CBLB: variants seen among roughly 807,000 people sequenced by gnomAD.
The protein encoded by CBLB is E3 ubiquitin-protein ligase CBL-B.
A neutral mutation model predicts 104.9 loss-of-function variants in CBLB; 31 were observed. That is an observed-to-expected ratio of 0.30 (90% CI 0.22 to 0.40). The LOEUF (loss-of-function observed/expected upper bound fraction) is 0.40. Ranked by LOEUF, CBLB falls within the 10% of genes least tolerant of loss-of-function variation. CBLB has a pLI of 1.00. For synonymous variants in CBLB, 440 were observed against 422.6 expected, an observed-to-expected ratio of 1.04 and a Z score of -0.51; for missense variants, 1,062 against 1,214.6, an observed-to-expected ratio of 0.87 and a Z score of 1.87.
Position 105,744,860 on chromosome 3 carries a change from T to A in CBLB, c.845+1057A>T, listed in dbSNP as rs145620109. Among the ~76,000 whole-genome samples the A allele has an allele frequency of 2.2e-3, 335 of 151,866 alleles. 2 individuals are homozygous for A. Among genetic ancestry groups the A allele is most frequent in the African/African-American group, 7.9e-3 (328 of 41,418 alleles). ...CAGGAGAATTGCTCGAACCAGGGAGTCGAAGGTTGCAGTGAACAGAGATTG... is the reference window on the plus strand; with the variant it reads ...CAGGAGAATTGCTCGAACCAGGGAGACGAAGGTTGCAGTGAACAGAGATTG... On this transcript the variant is annotated intron_variant, in intron 6 of 18. Coordinates refer to ENST00000394030, the MANE Select transcript of CBLB (RefSeq NM_170662.5).
intron 9 of CBLB, among the ~76,000 whole-genome samples, chr3:105,727,758 T>C (rs1447990080): frequency 6.6e-6 from 1 of 152,208 alleles, no homozygotes; most frequent in Non-Finnish European, 1.5e-5. Context: ...GTTTTCTGCG[T>C]ATGGCTAGCC....
intron 13 of CBLB, among the ~76,000 whole-genome samples, chr3:105,690,393 C>T (rs938028509): frequency 3.3e-5 from 5 of 152,082 alleles, no homozygotes; most frequent in African/African-American, 9.7e-5. Flanking sequence ...GTCAGGTTTG[C>T]CATCAGTATC....
At chr3:105,771,181 A>G (rs2078835230) in intron 4 of CBLB, among the ~76,000 whole-genome samples, 1 of 152,208 alleles carries the variant, frequency 6.6e-6, no homozygotes, top group South Asian at 2.1e-4. Context: ...CAGCACAACA[A>G]AAAACTAATA....
In CBLB at chr3:105,702,135, G is replaced by A. The variant is rs372086643; in HGVS notation, c.1918C>T (p.Arg640Trp). The change falls in exon 12 of 19, where the codon CGG (arginine) becomes TGG (tryptophan). Residue 640 changes from arginine to tryptophan, a missense_variant. By Grantham distance (101) the Arg-to-Trp change is moderately radical. Coordinates refer to ENST00000394030, the MANE Select transcript of CBLB (RefSeq NM_170662.5). ...SRVGSDPVLM[R>W]KHRRHDLPLE... ...GGCAAATCATGGCGTCTGTGTTTCC[G>A]CATAAGCACTGGGTCAGAGCCCACT... The A allele has an allele frequency of 2.7e-5, 44 of 1,613,890 alleles. No individual in the cohort carries two copies. In the Admixed American group the frequency reaches 4.3e-4, roughly 16 times the overall value.
At chr3:105,733,774 G>A (rs953958044) in intron 9 of CBLB, among the ~76,000 whole-genome samples, 1 of 152,056 alleles carries the variant, frequency 6.6e-6, no homozygotes, top group Non-Finnish European at 1.5e-5. Flanking sequence ...GAAATCCATG[G>A]TACTACAGAA....
intron 5 of CBLB, among the ~76,000 whole-genome samples, chr3:105,748,118 T>A (rs749943229): frequency 1.3e-5 from 2 of 152,002 alleles, no homozygotes; most frequent in African/African-American, 2.4e-5. Flanking sequence ...GGAGAGTAAC[T>A]TTTTTTTATT....
At chr3:105,833,311 A>G (rs1262622160) in intron 3 of CBLB, among the ~76,000 whole-genome samples, 1 of 152,206 alleles carries the variant, frequency 6.6e-6, no homozygotes, top group East Asian at 1.9e-4. Flanking sequence ...ATTACAACTC[A>G]TTCTGCATGA....
chr3:105,764,099 C>T (rs920169853), intron 4 of CBLB, among the ~76,000 whole-genome samples: 9 of 152,186 alleles, frequency 5.9e-5, no homozygotes, highest in African/African-American at 1.2e-4. Context: ...AAGATCCTTG[C>T]TCTAGAAGGA....
intron 3 of CBLB, chr3:105,824,227 A>C (rs2086261906): frequency 6.6e-6 from 1 of 152,210 alleles, no homozygotes; most frequent in Non-Finnish European, 1.5e-5. Context: ...TCAAGGATCC[A>C]TGTAGGGTGG....
chr3:105,701,963 TG>T, intron 12 of CBLB, 130 bp downstream of exon 12: 1 of 912,166 alleles, frequency 1.1e-6, no homozygotes, highest in Non-Finnish European at 1.7e-6. Context: ...ATTTATAACT[TG>T]GGGATAATTA....
At chr3:105,681,906 T>C (rs569150834) in intron 14 of CBLB, 88 bp from the exon 15 acceptor site, 269 of 781,472 alleles carry the variant, frequency 3.4e-4, no homozygotes, top group Middle Eastern at 1.1e-3. Flanking sequence ...AGTATTCCTG[T>C]TTATTTAATA....
chr3:105,867,194 G>A (rs1402186443), intron 2 of CBLB, among the ~76,000 whole-genome samples: 2 of 152,160 alleles, frequency 1.3e-5, no homozygotes, highest in African/African-American at 4.8e-5. Context: ...GAGGAACTCT[G>A]AACCTTAAAG....
At chr3:105,840,573 C>T (rs28555616) in intron 3 of CBLB, among the ~76,000 whole-genome samples, 7 of 152,150 alleles carry the variant, frequency 4.6e-5, no homozygotes, top group Non-Finnish European at 7.4e-5. Context: ...CAGCTGTAGG[C>T]TCAGACATGC....
chr3:105,715,911 C>T (rs1036502108), intron 10 of CBLB, among the ~76,000 whole-genome samples: 1 of 151,972 alleles, frequency 6.6e-6, no homozygotes, highest in African/African-American at 2.4e-5. Context: ...TGGTGGCAGG[C>T]GTCTGCAATC....
chr3:105,718,067 C>T (rs1462367068), intron 10 of CBLB, among the ~76,000 whole-genome samples: 2 of 152,110 alleles, frequency 1.3e-5, no homozygotes, highest in African/African-American at 4.8e-5. Context: ...TATTCCACGT[C>T]TTCCTTAAGT....
At chr3:105,767,175 TC>T (rs1275638752) in intron 4 of CBLB, among the ~76,000 whole-genome samples, 3 of 152,170 alleles carry the variant, frequency 2.0e-5, no homozygotes, top group Admixed American at 6.5e-5. Flanking sequence ...CTTTTTTCTT[TC>T]TCTTTAGAGT....
At position 105,734,036 on chromosome 3, in the gene CBLB, C is replaced by A. The variant is rs774484928; in HGVS notation, c.1176G>T (p.Met392Ile). The change falls in exon 9 of 19, where the codon ATG becomes ATT. Residue 392 changes from methionine (M) to isoleucine (I), a missense_variant. Transcript: ENST00000394030. ...DVKIEPCGHL[M>I]CTSCLTAWQE... is the part of the protein sequence containing the mutation. ...GCCATGCCGTAAGGCAAGAGGTGCA[C>A]ATCAAATGCCCACAAGGCTCAATCT... 1.2e-6 allele frequency: 2 copies of A among 1,614,092 alleles called. No individual in the cohort carries two copies. Among genetic ancestry groups the A allele is most frequent in the East Asian group, 2.2e-5 (1 of 44,868 alleles).
At chr3:105,698,605 CAAAAAAAAA>C (rs34896633) in intron 12 of CBLB, among the ~76,000 whole-genome samples, 3 of 80,818 alleles carry the variant, frequency 3.7e-5, no homozygotes, top group African/African-American at 1.5e-4. Flanking sequence ...ACCATTTGAC[CAAAAAAAAA>C]AAAAAAAAAA....
intron 1 of CBLB, chr3:105,868,481 G>C (rs977217512): frequency 2.9e-6 from 1 of 346,706 alleles, no homozygotes; most frequent in Non-Finnish European, 5.1e-6. Flanking sequence ...GGACACTGTG[G>C]GCTCGGCGCC....
Sources: gnomAD v4.1 joint callset for allele counts (sites outside exome capture counted in the v4.1 genomes callset) on GRCh38, gnomAD v4.1.1 for gene constraint, MANE v1.5 for transcripts, NCBI Gene and HGNC (gene_info 2026-07-23, HGNC 2026-07-21) for gene names.